The following TSPAN11 variants were observed in gnomAD, a reference collection of about 807,000 sequenced individuals.
The protein encoded by TSPAN11 is tetraspanin 11.
A neutral mutation model predicts 32.9 loss-of-function variants in TSPAN11; 29 were observed. The observed-to-expected ratio is 0.88, with a 90% confidence interval of 0.66 to 1.20. The LOEUF (loss-of-function observed/expected upper bound fraction) is 1.20, where lower values mean the gene tolerates loss of function less well. Ranked by LOEUF, TSPAN11 falls within the 50% of genes most tolerant of loss-of-function variation. TSPAN11 has a pLI of 0.00. For synonymous variants in TSPAN11, 140 were observed against 141.3 expected, an observed-to-expected ratio of 0.99 and a Z score of 0.07; for missense variants, 283 against 329.1, an observed-to-expected ratio of 0.86 and a Z score of 1.08.
the TSPAN11 span, chr12:31,005,813 C>A: frequency 5.0e-6 from 1 of 198,914 alleles, no homozygotes; most frequent in Non-Finnish European, 1.1e-5. Flanking sequence ...AGTGGATGTG[C>A]TGGGTGATGG....
At chr12:30,933,756 G>A (rs928157417) in intron 1 of TSPAN11, among the ~76,000 whole-genome samples, 7 of 152,176 alleles carry the variant, frequency 4.6e-5, no homozygotes, top group African/African-American at 1.7e-4. Context: ...CAGTGGAAGG[G>A]ACAGCAGTGT....
chr12:30,992,852 C>G lies in TSPAN11; in HGVS notation c.*937C>G, dbSNP rs1228336597. 6.6e-6 allele frequency: 1 copy of G among 152,432 alleles called. No individual in the cohort carries two copies. Among genetic ancestry groups the G allele is most frequent in the South Asian group, 2.1e-4 (1 of 4,842 alleles). 9.4% of individuals were successfully genotyped at this position (152,432 alleles called of 1,614,324 possible). On this transcript the variant is annotated 3_prime_UTR_variant, in exon 8 of 8. Transcript: ENST00000546076. Reference sequence around the variant, plus strand: ...CTGAATAGAGGGGCATCTGCCTGAACCTCACTTTTCCTGGGGCCCTCTCCT... The same window carrying G: ...CTGAATAGAGGGGCATCTGCCTGAAGCTCACTTTTCCTGGGGCCCTCTCCT...
intron 1 of TSPAN11, among the ~76,000 whole-genome samples, chr12:30,942,557 G>A (rs989534071): frequency 8.5e-5 from 13 of 152,122 alleles, no homozygotes; most frequent in Non-Finnish European, 1.5e-5. Context: ...CATGCATGTG[G>A]CATTGGAATA....
At chr12:30,932,384 G>A (rs890102694) in intron 1 of TSPAN11, among the ~76,000 whole-genome samples, 2 of 152,100 alleles carry the variant, frequency 1.3e-5, no homozygotes, top group African/African-American at 2.4e-5. Flanking sequence ...ACACAATTCC[G>A]ATTTCATAGT....
rs929169865 is a variant in TSPAN11 at position 30,992,964 on chromosome 12, C to T, written c.*1049C>T. 6.6e-6 allele frequency: 1 copy of T among 152,210 alleles called. No individual in the cohort carries two copies. The highest frequency in any genetic ancestry group is 1.5e-5 in the Non-Finnish European group (1 of 68,042). 9.4% of individuals were successfully genotyped at this position (152,210 alleles called of 1,614,324 possible). A position where few individuals can be genotyped will look rare whatever the true frequency, so the allele number is the denominator to read the frequency against. ...GTCCTAGAGTGGACAGAGCTTTTTC[C>T]TTGGGTTCTCTCTTGCATCACTAAG... On this transcript the variant is annotated 3_prime_UTR_variant, in exon 8 of 8. Coordinates refer to ENST00000546076, the MANE Select transcript of TSPAN11 (RefSeq NM_001370302.1).
At position 30,978,572 on chromosome 12, in the gene TSPAN11, G is replaced by A. The variant is rs1340248678; in HGVS notation, c.288G>A (p.Leu96=). The stretch of plus-strand genomic sequence containing the variant: ...CTCTTTGCTGCTAGTATTTCTGCCT[G>A]TTGCTCGTCATCTTCCTGGTTGAGC... ...RKGCLSTYFC[L]LLVIFLVELV... is the part of the protein sequence containing the mutation. Residue 96 remains leucine (L), a synonymous_variant, in exon 4 of 8, where the codon CTG becomes CTA. Transcript: ENST00000546076. 2.5e-6 allele frequency: 4 copies of A among 1,614,114 alleles called. No homozygotes were observed. The highest frequency in any genetic ancestry group is 3.4e-6 in the Non-Finnish European group (4 of 1,180,044).
intron 3 of TSPAN11, among the ~76,000 whole-genome samples, chr12:30,966,021 A>AT (rs34029759): frequency 0.51 from 75,048 of 145,928 alleles, 19,672 homozygotes; most frequent in Non-Finnish European, 0.6. Context: ...TTTTTTTGTG[A>AT]TTTTTTTTTT....
chr12:30,992,026 C>T lies in TSPAN11; in HGVS notation c.*111C>T. ...TCCACTAGGGCCATAGATGCCCCCT[C>T]CTTTGTGCCTAGCTCCTGCGAATCC... On this transcript the variant is annotated 3_prime_UTR_variant, in exon 8 of 8. Coordinates refer to ENST00000546076, the MANE Select transcript of TSPAN11 (RefSeq NM_001370302.1). The T allele has an allele frequency of 1.6e-6, 2 of 1,219,338 alleles. No homozygotes were observed. The highest frequency in any genetic ancestry group is 2.4e-5 in the East Asian group (1 of 41,770). 75.5% of individuals were successfully genotyped at this position (1,219,338 alleles called of 1,614,324 possible). A position where few individuals can be genotyped will look rare whatever the true frequency, so the allele number is the denominator to read the frequency against.
At chr12:31,001,967 G>T in the TSPAN11 span, among the ~76,000 whole-genome samples, 1 of 152,180 alleles carries the variant, frequency 6.6e-6, no homozygotes, top group African/African-American at 2.4e-5. Context: ...CACAGACCTG[G>T]TGGCAGGAGC....
intron 1 of TSPAN11, among the ~76,000 whole-genome samples, chr12:30,941,039 G>A (rs12316937): frequency 0.044 from 6,762 of 152,250 alleles, 373 homozygotes; most frequent in East Asian, 0.14. Flanking sequence ...TGTCTTCCAC[G>A]AAACCAGTCC....
intron 3 of TSPAN11, among the ~76,000 whole-genome samples, chr12:30,965,460 G>A (rs535277623): frequency 1.4e-5 from 2 of 147,808 alleles, no homozygotes; most frequent in African/African-American, 2.7e-5. Flanking sequence ...AGCCCCCACC[G>A]AGCGCCTTCC....
intron 7 of TSPAN11, among the ~76,000 whole-genome samples, chr12:30,987,920 A>G (rs1456482061): frequency 2.6e-5 from 4 of 152,258 alleles, no homozygotes; most frequent in African/African-American, 7.2e-5. Flanking sequence ...CAGGAGACAC[A>G]TTCAAGAACT....
chr12:30,979,501 G>A (rs1939043635), intron 4 of TSPAN11, 65 bp from the exon 5 acceptor site: 1 of 1,484,836 alleles, frequency 6.7e-7, no homozygotes, highest in Non-Finnish European at 9.4e-7. Context: ...TTGGAAGTGG[G>A]CCCGGTGCCA....
the TSPAN11 span, among the ~76,000 whole-genome samples, chr12:31,002,458 T>TGTGACA: frequency 2.0e-5 from 3 of 152,286 alleles, 1 homozygote; most frequent in South Asian, 6.2e-4. The surrounding 1 kb of genome is among the most constrained non-coding windows in gnomAD (Gnocchi z 4.8). Flanking sequence ...TCACTGTGAC[T>TGTGACA]GTGACAGCCA....
chr12:30,960,012 C>A (rs892094206), intron 2 of TSPAN11, among the ~76,000 whole-genome samples: 1 of 150,138 alleles, frequency 6.7e-6, no homozygotes, highest in Non-Finnish European at 1.5e-5. Flanking sequence ...AGGTGGGGAA[C>A]CGAGGTGGAC....
At chr12:31,013,626 G>A in the TSPAN11 span, among the ~76,000 whole-genome samples, 67 of 64,434 alleles carry the variant, frequency 1.0e-3, no homozygotes, top group African/African-American at 3.3e-3. Context: ...AAAACAAAAC[G>A]AGGGAGCATC....
the TSPAN11 span, among the ~76,000 whole-genome samples, chr12:31,006,696 G>GCC: frequency 6.6e-6 from 1 of 152,206 alleles, no homozygotes; most frequent in Non-Finnish European, 1.5e-5. Context: ...ATCACCACTG[G>GCC]CCCATTCAAC....
rs1232263598 is a variant in TSPAN11 at position 30,926,749 on chromosome 12, GTC to G, written c.-53_-52del. 12 of 266,118 alleles carry G rather than the reference GTC, an allele frequency of 4.5e-5. No homozygotes were observed. The highest frequency in any genetic ancestry group is 2.5e-4 in the Admixed American group (4 of 15,734). The allele number at this position is 266,118 out of a possible 1,614,324, so 16.5% of individuals were successfully genotyped here. ...GCGGCCCCGGGAGCCGCCGCTCTCA[GTC>G]TCTCTAGGCGCAGCTCCCTTCGCCG... is the stretch of plus-strand genomic sequence containing the variant. On this transcript the variant is annotated 5_prime_UTR_variant, in exon 1 of 8. Coordinates refer to ENST00000546076, the MANE Select transcript of TSPAN11 (RefSeq NM_001370302.1).
At chr12:30,966,297 G>T (rs1216758572) in intron 3 of TSPAN11, among the ~76,000 whole-genome samples, 1 of 152,194 alleles carries the variant, frequency 6.6e-6, no homozygotes, top group East Asian at 1.9e-4. Context: ...TCACAGTCAG[G>T]GGAGGGTAGC....
Sources: allele counts gnomAD v4.1 joint callset (sites outside exome capture counted in the v4.1 genomes callset), GRCh38; gene constraint gnomAD v4.1.1; non-coding constraint Gnocchi (gnomAD v3.1); transcripts MANE v1.5; gene names NCBI Gene and HGNC (gene_info 2026-07-23, HGNC 2026-07-21).